CNTN5: variants seen among roughly 807,000 people sequenced by gnomAD.
CNTN5 encodes contactin-5.
A neutral mutation model predicts 129.1 loss-of-function variants in CNTN5; 77 were observed. The ratio of observed to expected loss-of-function variants is 0.60; its 90% confidence interval spans 0.50 to 0.72. CNTN5 has a LOEUF of 0.72. Among genes scored for constraint, CNTN5 ranks in the 30% least tolerant of loss-of-function variants. The pLI is 0.00. For missense variants in CNTN5, 1,478 were observed against 1,328.8 expected, an observed-to-expected ratio of 1.11 and a Z score of -1.75; for synonymous variants, 509 against 465.6, an observed-to-expected ratio of 1.09 and a Z score of -1.20.
chr11:100,081,057 T>G (rs1944347345), intron 13 of CNTN5, among the ~76,000 whole-genome samples: 1 of 152,136 alleles, frequency 6.6e-6, no homozygotes, highest in African/African-American at 2.4e-5. Context: ...ATGATGAGAT[T>G]AAGATACTGA....
intron 9 of CNTN5, among the ~76,000 whole-genome samples, chr11:100,045,357 A>G (rs1403892847): frequency 1.3e-5 from 2 of 152,156 alleles, no homozygotes; most frequent in African/African-American, 4.8e-5. Flanking sequence ...GTAAATAATT[A>G]GGGGCCAACT....
Position 99,911,872 on chromosome 11 carries a change from A to G in CNTN5, c.578-4182A>G, listed in dbSNP as rs181463601. 1.2e-3 allele frequency among the ~76,000 whole-genome samples: 176 copies of G among 152,026 alleles called. 1 individual carries two copies. The South Asian group carries it at 0.012, about 10-fold the overall frequency. On this transcript the variant is annotated intron_variant, in intron 6 of 24. Transcript: ENST00000524871. ...TCCCCTTAGGATTGGGTATATCTCT[A>G]CCTTGTTTTGGCTCCTCTTAAGTTT...
At chr11:100,267,706 A>G (rs1047090966) in intron 17 of CNTN5, among the ~76,000 whole-genome samples, 1 of 152,094 alleles carries the variant, frequency 6.6e-6, no homozygotes, top group African/African-American at 2.4e-5. Context: ...GTTTTGAGAG[A>G]TATTGGCAAG....
At chr11:100,163,110 T>C (rs1466375944) in intron 13 of CNTN5, among the ~76,000 whole-genome samples, 2 of 151,692 alleles carry the variant, frequency 1.3e-5, no homozygotes, top group Non-Finnish European at 1.5e-5. Context: ...AAAATCTCTG[T>C]ACTAAATTTC....
chr11:99,645,259 C>CAA (rs1373283813), intron 3 of CNTN5, among the ~76,000 whole-genome samples: 17 of 67,818 alleles, frequency 2.5e-4, no homozygotes, highest in South Asian at 6.8e-4. Context: ...GGCTCCATCT[C>CAA]AACAAAAAAA....
At chr11:99,302,091 A>G (rs925310937) in intron 1 of CNTN5, among the ~76,000 whole-genome samples, 2 of 151,734 alleles carry the variant, frequency 1.3e-5, no homozygotes, top group African/African-American at 2.4e-5. Context: ...GTTTGTAGAG[A>G]GAAATTCATA....
intron 15 of CNTN5, among the ~76,000 whole-genome samples, chr11:100,208,859 T>C (rs746866600): frequency 6.6e-6 from 1 of 152,128 alleles, no homozygotes; most frequent in Non-Finnish European, 1.5e-5. Context: ...GTGGTCTCAG[T>C]TGGGGTCATA....
intron 3 of CNTN5, among the ~76,000 whole-genome samples, chr11:99,790,345 G>A (rs1200295046): frequency 6.6e-6 from 1 of 151,892 alleles, no homozygotes; most frequent in Non-Finnish European, 1.5e-5. Context: ...ACCTCAAGTA[G>A]ACCTTAGTGT....
chr11:99,955,790 T>G (rs1287563578), intron 7 of CNTN5, among the ~76,000 whole-genome samples: 1 of 152,078 alleles, frequency 6.6e-6, no homozygotes, highest in Non-Finnish European at 1.5e-5. Context: ...AGTCTCGATC[T>G]CCTAACCTCA....
chr11:99,733,156 T>C (rs1943588728), intron 3 of CNTN5, among the ~76,000 whole-genome samples: 1 of 151,698 alleles, frequency 6.6e-6, no homozygotes, highest in Admixed American at 6.6e-5. Context: ...AAACCTCGTC[T>C]CTACTAAGAA....
chr11:99,748,098 T>C (rs745737750), intron 3 of CNTN5, among the ~76,000 whole-genome samples: 5 of 152,200 alleles, frequency 3.3e-5, no homozygotes, highest in Non-Finnish European at 5.9e-5. Context: ...AATGTGCTGC[T>C]GAATTGAGTT....
intron 13 of CNTN5, among the ~76,000 whole-genome samples, chr11:100,115,857 A>C (rs1565255637): frequency 6.6e-6 from 1 of 152,066 alleles, no homozygotes; most frequent in Non-Finnish European, 1.5e-5. Context: ...GAAACTAAGA[A>C]ATTTATTCAT....
chr11:99,636,236 G>A (rs1159133251), intron 3 of CNTN5, among the ~76,000 whole-genome samples: 1 of 152,088 alleles, frequency 6.6e-6, no homozygotes, highest in Non-Finnish European at 1.5e-5. Flanking sequence ...CAGTACTATA[G>A]TTATATGGGG....
chr11:99,172,595 A>G (rs1001339600), intron 1 of CNTN5, among the ~76,000 whole-genome samples: 3 of 152,362 alleles, frequency 2.0e-5, no homozygotes, highest in African/African-American at 7.2e-5. Flanking sequence ...CACCTAAGTT[A>G]ATTGCAAGAT....
chr11:99,767,950 C>T (rs550629267), intron 3 of CNTN5, among the ~76,000 whole-genome samples: 12 of 152,216 alleles, frequency 7.9e-5, no homozygotes, highest in Admixed American at 4.6e-4. Flanking sequence ...CAGGGATCTT[C>T]AAACTAGAGT....
chr11:99,057,812 GTGTGTA>G (rs1449932480), intron 1 of CNTN5, among the ~76,000 whole-genome samples: 3 of 151,160 alleles, frequency 2.0e-5, no homozygotes, highest in African/African-American at 7.3e-5. Context: ...GTGTGTGTGT[GTGTGTA>G]TGGTCATAAA....
At chr11:99,618,866 A>T (rs1326440793) in intron 3 of CNTN5, among the ~76,000 whole-genome samples, 1 of 152,180 alleles carries the variant, frequency 6.6e-6, no homozygotes, top group Non-Finnish European at 1.5e-5. Flanking sequence ...TATCTGCAAA[A>T]ATTAAAAATA....
At chr11:99,323,519 T>G (rs1865656543) in intron 1 of CNTN5, among the ~76,000 whole-genome samples, 1 of 152,176 alleles carries the variant, frequency 6.6e-6, no homozygotes, top group Non-Finnish European at 1.5e-5. Context: ...GCTCAATATG[T>G]GCTAGACATG....
chr11:100,180,871 A>T (rs1948118174), intron 13 of CNTN5, among the ~76,000 whole-genome samples: 1 of 151,988 alleles, frequency 6.6e-6, no homozygotes, highest in African/African-American at 2.4e-5. Flanking sequence ...TACAATCAGA[A>T]AACAAAACAA....
Sources: allele counts gnomAD v4.1 joint callset (sites outside exome capture counted in the v4.1 genomes callset), GRCh38; gene constraint gnomAD v4.1.1; transcripts MANE v1.5; gene names NCBI Gene and HGNC (gene_info 2026-07-23, HGNC 2026-07-21).